The following SPIDR variants were observed in gnomAD, a reference collection of about 807,000 sequenced individuals.
SPIDR encodes DNA repair-scaffolding protein.
SPIDR carries 93 observed loss-of-function variants against 104.6 expected under a neutral mutation model. The ratio of observed to expected loss-of-function variants is 0.89; its 90% CI spans 0.75 to 1.06. The LOEUF (loss-of-function observed/expected upper bound fraction) is 1.06, where lower values mean the gene tolerates loss of function less well. SPIDR is among the 50% of genes least tolerant of loss of function. The probability of loss-of-function intolerance (pLI) is 0.00; values close to 1 mark genes in which losing one functional copy is unlikely to be tolerated. For missense variants in SPIDR, 1,154 were observed against 1,111.2 expected (o/e 1.04, Z -0.55); for synonymous variants, 431 against 416.9 (o/e 1.03, Z -0.41).
chr8:47,327,850 A>C (rs1180489358), intron 5 of SPIDR, among the ~76,000 whole-genome samples: 13 of 152,016 alleles, frequency 8.6e-5, no homozygotes, highest in Non-Finnish European at 1.5e-4. Context: ...GGCATAAGCC[A>C]CTACACCTGA....
chr8:47,420,017 G>A (rs181274989), intron 7 of SPIDR, among the ~76,000 whole-genome samples: 2 of 152,260 alleles, frequency 1.3e-5, no homozygotes, highest in East Asian at 3.9e-4. Context: ...CATTTCCTGA[G>A]GAGTGCTTTA....
rs1336117675 is a variant in SPIDR, at chr8:47,702,091, TCTCTCTTACACA to T, written c.1977+78_1977+89del. ...CTCTCTCTCTCTCTCTCTCTCTCTCTCTCTCTTACACACACACACACACACACACACACACAC... is the reference window on the plus strand; with the variant it reads ...CTCTCTCTCTCTCTCTCTCTCTCTCTCACACACACACACACACACACACAC... On this transcript the variant is annotated intron_variant, in intron 14 of 19. Coordinates refer to ENST00000297423, the MANE Select transcript of SPIDR (RefSeq NM_001080394.4). The T allele has an allele frequency of 1.6e-3, 133 of 85,468 alleles. 7 individuals are homozygous for T. The highest frequency in any genetic ancestry group is 3.8e-3 in the East Asian group (8 of 2,078). The allele number at this position is 85,468 out of a possible 1,614,324, so 5.3% of individuals were successfully genotyped here.
intron 5 of SPIDR, among the ~76,000 whole-genome samples, chr8:47,310,052 C>T (rs1323486141): frequency 6.8e-5 from 9 of 132,560 alleles, no homozygotes; most frequent in Middle Eastern, 6.3e-3. Flanking sequence ...AGTAATAAGT[C>T]GGCCAGCGCT....
chr8:47,660,238 A>G (rs1319397452), intron 10 of SPIDR, among the ~76,000 whole-genome samples: 6 of 152,254 alleles, frequency 3.9e-5, no homozygotes, highest in African/African-American at 1.4e-4. Flanking sequence ...TTTTTGAAAT[A>G]CTCTTTAATT....
intron 8 of SPIDR, among the ~76,000 whole-genome samples, chr8:47,455,961 G>A (rs984306642): frequency 4.6e-5 from 7 of 152,226 alleles, no homozygotes; most frequent in East Asian, 1.9e-4. Context: ...CAGGAGAGCC[G>A]TAAGGAAATA....
intron 5 of SPIDR, among the ~76,000 whole-genome samples, chr8:47,351,161 A>G (rs1009753875): frequency 2.6e-5 from 4 of 152,174 alleles, no homozygotes; most frequent in Non-Finnish European, 4.4e-5. Flanking sequence ...TGTTGTTACA[A>G]TCGTTCTATT....
intron 11 of SPIDR, among the ~76,000 whole-genome samples, chr8:47,679,483 T>A (rs566866169): frequency 1.3e-4 from 19 of 144,862 alleles, no homozygotes; most frequent in African/African-American, 4.4e-4. Flanking sequence ...TGCTGGCCTG[T>A]GTCAGGTGCC....
At chr8:47,689,977 T>C (rs2078397765) in intron 11 of SPIDR, among the ~76,000 whole-genome samples, 1 of 152,188 alleles carries the variant, frequency 6.6e-6, no homozygotes, top group Admixed American at 6.6e-5. Flanking sequence ...ACTTGATGTG[T>C]GAATTCAAGA....
intron 10 of SPIDR, among the ~76,000 whole-genome samples, chr8:47,616,307 A>G (rs938758736): frequency 6.6e-6 from 1 of 152,186 alleles, no homozygotes; most frequent in East Asian, 1.9e-4. Flanking sequence ...GTTTTCATCA[A>G]TGCCCTATGC....
At chr8:47,403,813 A>G (rs2062285832) in intron 6 of SPIDR, among the ~76,000 whole-genome samples, 1 of 152,244 alleles carries the variant, frequency 6.6e-6, no homozygotes, top group Non-Finnish European at 1.5e-5. Context: ...ATCCCCATCA[A>G]GCTACCAATG....
chr8:47,336,411 G>T lies in SPIDR; in HGVS notation c.525+42381G>T, dbSNP rs2049756239. Among the ~76,000 whole-genome samples, 2 of 152,162 alleles carry T rather than the reference G, an allele frequency of 1.3e-5. 1 individual carries two copies. Among genetic ancestry groups the T allele is most frequent in the South Asian group, 4.1e-4 (2 of 4,836 alleles). On this transcript the variant is annotated intron_variant, in intron 5 of 19. Coordinates refer to ENST00000297423, the MANE Select transcript of SPIDR (RefSeq NM_001080394.4). ...TGCCAAAGAAGAAGGCTTTAATTGG[G>T]TGCTATGGCTGGGGAGATGGGAGCT...
intron 8 of SPIDR, among the ~76,000 whole-genome samples, chr8:47,496,895 T>C (rs2079549664): frequency 6.6e-6 from 1 of 152,090 alleles, no homozygotes; most frequent in African/African-American, 2.4e-5. Context: ...ATAGATTTAT[T>C]CAGATTTTTA....
chr8:47,502,075 G>T (rs534331827), intron 8 of SPIDR, among the ~76,000 whole-genome samples: 4 of 151,470 alleles, frequency 2.6e-5, no homozygotes, highest in Admixed American at 1.3e-4. Context: ...CTGTCGATGT[G>T]CATCAAGGAT....
At chr8:47,304,795 T>TGTGAG (rs2042843005) in intron 5 of SPIDR, among the ~76,000 whole-genome samples, 1 of 152,186 alleles carries the variant, frequency 6.6e-6, no homozygotes, top group African/African-American at 2.4e-5. Flanking sequence ...TGGTATACAT[T>TGTGAG]AAAAGAATGG....
intron 8 of SPIDR, among the ~76,000 whole-genome samples, chr8:47,517,896 A>AT (rs1260679161): frequency 1.3e-5 from 2 of 152,174 alleles, no homozygotes; most frequent in Non-Finnish European, 2.9e-5. Flanking sequence ...TCCCTCACTG[A>AT]TTTTAAATGC....
chr8:47,371,978 TCTC>T (rs2058092009), intron 5 of SPIDR, among the ~76,000 whole-genome samples: 1 of 152,158 alleles, frequency 6.6e-6, no homozygotes, highest in African/African-American at 2.4e-5. Flanking sequence ...CCATCTCTGT[TCTC>T]CTGCTATTGC....
intron 8 of SPIDR, among the ~76,000 whole-genome samples, chr8:47,489,816 T>C (rs1016592386): frequency 1.3e-5 from 2 of 152,214 alleles, no homozygotes; most frequent in African/African-American, 4.8e-5. Flanking sequence ...AAGCTGAAAC[T>C]GGATCCCTTC....
At chr8:47,533,885 A>G (rs1199152916) in intron 8 of SPIDR, among the ~76,000 whole-genome samples, 1 of 152,228 alleles carries the variant, frequency 6.6e-6, no homozygotes, top group East Asian at 1.9e-4. Flanking sequence ...TAAAAGCAGA[A>G]CTGCCATTCA....
intron 7 of SPIDR, among the ~76,000 whole-genome samples, chr8:47,418,223 A>C (rs2064729616): frequency 6.6e-6 from 1 of 152,106 alleles, no homozygotes; most frequent in Non-Finnish European, 1.5e-5. Flanking sequence ...CAGTATGCCC[A>C]TTTTCCCAAT....
Sources: allele counts gnomAD v4.1 joint callset (sites outside exome capture counted in the v4.1 genomes callset), GRCh38; gene constraint gnomAD v4.1.1; transcripts MANE v1.5; gene names NCBI Gene and HGNC (gene_info 2026-07-23, HGNC 2026-07-21).